Variants in VIPR1 observed in about 807,000 individuals in gnomAD.
VIPR1 encodes the protein vasoactive intestinal peptide receptor 1, also known as vasoactive intestinal polypeptide receptor 1.
In VIPR1, 59 loss-of-function variants were observed where a neutral mutation model predicts 58.8. The observed-to-expected ratio is 1.00, with a 90% CI of 0.81 to 1.25. The LOEUF is 1.25. VIPR1 is among the 50% of genes most tolerant of loss of function. The probability of loss-of-function intolerance (pLI) is 0.00; values close to 1 mark genes in which losing one functional copy is unlikely to be tolerated. For synonymous variants in VIPR1, 251 were observed against 242.1 expected, an observed-to-expected ratio of 1.04 and a Z score of -0.34; for missense variants, 626 against 602.7, an observed-to-expected ratio of 1.04 and a Z score of -0.40.
chr3:42,512,929 C>G, intron 1 of VIPR1: 1 of 985,538 alleles, frequency 1.0e-6, no homozygotes, highest in Non-Finnish European at 1.2e-6. Flanking sequence ...CCATCACCCC[C>G]ACTCACATGT....
intron 1 of VIPR1, among the ~76,000 whole-genome samples, chr3:42,506,272 G>A (rs1486575682): frequency 6.6e-6 from 1 of 152,206 alleles, no homozygotes; most frequent in Non-Finnish European, 1.5e-5. Flanking sequence ...TGGGCCATGA[G>A]ACCAGGGTAG....
chr3:42,497,112 A>T (rs980373860), intron 1 of VIPR1, among the ~76,000 whole-genome samples: 5 of 152,154 alleles, frequency 3.3e-5, no homozygotes, highest in Admixed American at 6.5e-5. Context: ...GGAACGCAGG[A>T]CTGGGAAGAG....
upstream of VIPR1, among the ~76,000 whole-genome samples, chr3:42,501,063 T>A (rs1426875367): frequency 6.6e-6 from 1 of 151,180 alleles, no homozygotes; most frequent in Non-Finnish European, 1.5e-5. The surrounding 1 kb of genome is among the most constrained non-coding windows in gnomAD (Gnocchi z 4.8). Flanking sequence ...GGCTCCATGG[T>A]GGCGAGGTTC....
chr3:42,533,783 AG>A (rs958367578), intron 10 of VIPR1: 1 of 152,320 alleles, frequency 6.6e-6, no homozygotes, highest in Non-Finnish European at 1.5e-5. Context: ...GGCATTGCTC[AG>A]GATCTTGGCA....
intron 1 of VIPR1, among the ~76,000 whole-genome samples, chr3:42,495,282 C>T (rs145458663): frequency 2.6e-5 from 4 of 151,712 alleles, no homozygotes; most frequent in East Asian, 1.9e-4. Context: ...CCACCACTCC[C>T]GGCTAAATTT....
At chr3:42,522,102 T>TATATATATATATATATATATATATATA (rs1553638336) in intron 3 of VIPR1, among the ~76,000 whole-genome samples, 2 of 13,694 alleles carry the variant, frequency 1.5e-4, no homozygotes, top group African/African-American at 9.8e-4. Context: ...TATATATATA[T>TATATATATATATATATATATATATATA]TTTTTTTTTT....
At chr3:42,490,336 G>T (rs554898506) in intron 1 of VIPR1, among the ~76,000 whole-genome samples, 2 of 152,362 alleles carry the variant, frequency 1.3e-5, no homozygotes, top group South Asian at 4.1e-4. Context: ...TGCTGTCAGG[G>T]TCCCTATCCT....
At chr3:42,514,876 T>C (rs1700547011) in intron 2 of VIPR1, among the ~76,000 whole-genome samples, 1 of 152,180 alleles carries the variant, frequency 6.6e-6, no homozygotes, top group South Asian at 2.1e-4. Flanking sequence ...ATGGATGGAA[T>C]TCTTTGGTAC....
At chr3:42,528,949 C>T (rs966289209) in intron 6 of VIPR1, among the ~76,000 whole-genome samples, 1 of 152,124 alleles carries the variant, frequency 6.6e-6, no homozygotes, top group Admixed American at 6.5e-5. Context: ...CCTAGGGGAC[C>T]CACTTTGGCC....
chr3:42,496,418 T>C (rs79426910), intron 1 of VIPR1, among the ~76,000 whole-genome samples: 6,186 of 152,314 alleles, frequency 0.041, 290 homozygotes, highest in African/African-American at 0.12. Flanking sequence ...TAACATTGTA[T>C]CATACATATC....
chr3:42,496,279 G>A (rs1325972436), intron 1 of VIPR1, among the ~76,000 whole-genome samples: 2 of 152,200 alleles, frequency 1.3e-5, no homozygotes, highest in Non-Finnish European at 1.5e-5. Context: ...CCCTCTCTTT[G>A]CAGAGGTAAC....
rs565026961 is a variant in VIPR1 at position 42,495,533 on chromosome 3, G to A, written c.-245+5855G>A. On this transcript the variant is annotated intron_variant, in intron 1 of 13. Transcript: ENST00000433647. ...ATGGCACCCAAGATTCCTGCCTCCT[G>A]GTGTGCACACCCTGTATAATCCCCT... 1.8e-4 allele frequency among the ~76,000 whole-genome samples: 27 copies of A among 152,260 alleles called. No individual in the cohort carries two copies. In the East Asian group the frequency reaches 4.7e-3, roughly 26 times the overall value.
upstream of VIPR1, chr3:42,500,310 C>G (rs1409109011): frequency 6.6e-6 from 1 of 152,222 alleles, no homozygotes; most frequent in African/African-American, 2.4e-5. Flanking sequence ...GCCAGTCCCT[C>G]TCCCTCCCTC....
upstream of VIPR1, among the ~76,000 whole-genome samples, chr3:42,500,570 C>T (rs1162718985): frequency 3.3e-5 from 5 of 152,134 alleles, no homozygotes; most frequent in African/African-American, 1.2e-4. Context: ...CACCCCAAAC[C>T]CACAGGTTTG....
intron 12 of VIPR1, among the ~76,000 whole-genome samples, 175 bp downstream of exon 12, chr3:42,535,559 G>A (rs1701799194): frequency 6.6e-6 from 1 of 152,148 alleles, no homozygotes; most frequent in African/African-American, 2.4e-5. Context: ...GCGCATCTCT[G>A]GGACCACCCC....
chr3:42,532,105 G>A, intron 9 of VIPR1, 137 bp from the exon 10 acceptor site: 8 of 995,178 alleles, frequency 8.0e-6, no homozygotes, highest in Admixed American at 2.0e-5. Context: ...CCTGCCCAAA[G>A]GGGAAATGCC....
rs574728522 is a variant in VIPR1 at position 42,537,220 on chromosome 3, C to T, written c.*939C>T. The T allele has an allele frequency of 1.3e-5, 2 of 152,336 alleles. No homozygotes were observed. Among genetic ancestry groups the T allele is most frequent in the South Asian group, 2.1e-4 (1 of 4,822 alleles). 9.4% of individuals were successfully genotyped at this position (152,336 alleles called of 1,614,324 possible). A position where few individuals can be genotyped will look rare whatever the true frequency, so the allele number is the denominator to read the frequency against. On this transcript the variant is annotated 3_prime_UTR_variant, in exon 13 of 13. Transcript: ENST00000325123. ...CTCTGACAGAAAGCAGATACCTCACCCTGCTACACATACAGGATTTGAACT... is the reference window on the plus strand; with the variant it reads ...CTCTGACAGAAAGCAGATACCTCACTCTGCTACACATACAGGATTTGAACT...
At chr3:42,535,436 G>A (rs767612013) in intron 12 of VIPR1, 52 bp downstream of exon 12, 38 of 1,593,806 alleles carry the variant, frequency 2.4e-5, no homozygotes, top group Non-Finnish European at 2.9e-5. Context: ...CCAGGACCAG[G>A]GTCCGGAAAC....
At position 42,528,421 on chromosome 3, in the gene VIPR1, C is replaced by T; in HGVS notation, c.636+298C>T. The T allele has an allele frequency of 1.1e-5, 4 of 377,094 alleles. No homozygotes were observed. In the East Asian group the frequency reaches 1.8e-4, roughly 17 times the overall value. The allele number at this position is 377,094 out of a possible 1,614,324, so 23.4% of individuals were successfully genotyped here. On this transcript the variant is annotated intron_variant, in intron 6 of 12. Transcript: ENST00000325123. ...ATGGCCACAGCCCAGAGCACCTGTC[C>T]CACCTGTTGCTAACTTCCTATGTGG...
Sources: allele counts gnomAD v4.1 joint callset (sites outside exome capture counted in the v4.1 genomes callset), GRCh38; gene constraint gnomAD v4.1.1; non-coding constraint Gnocchi (gnomAD v3.1); transcripts MANE v1.5; gene names NCBI Gene and HGNC (gene_info 2026-07-23, HGNC 2026-07-21).